GNAL: variants seen among roughly 807,000 people sequenced by gnomAD.
GNAL encodes the protein guanine nucleotide-binding protein G(olf) subunit alpha.
Under a neutral mutation model 55.1 loss-of-function variants are expected in GNAL, and 18 were observed. The observed-to-expected ratio is 0.33, with a 90% CI of 0.23 to 0.48. GNAL has a LOEUF of 0.48. Among genes scored for constraint, GNAL ranks in the 20% least tolerant of loss-of-function variants. The probability of loss-of-function intolerance (pLI) is 0.99; values close to 1 mark genes in which losing one functional copy is unlikely to be tolerated. For synonymous variants in GNAL, 253 were observed against 237.0 expected, an observed-to-expected ratio of 1.07 and a Z score of -0.62; for missense variants, 412 against 614.1, an observed-to-expected ratio of 0.67 and a Z score of 3.48.
In GNAL at chr18:11,868,309, A is replaced by G. The variant is rs891915506; in HGVS notation, c.911-234A>G. On this transcript the variant is annotated intron_variant, in intron 8 of 11. Coordinates refer to ENST00000334049, the MANE Select transcript of GNAL (RefSeq NM_182978.4). The surrounding 1 kb of genome is among the most constrained non-coding windows in gnomAD (Gnocchi z 4.0). ...GAGTGAAACTCCATCTCAAAAAAAA[A>G]AAAGCACTTAAGCATCCCAAATTTA... is the stretch of plus-strand genomic sequence containing the variant. 6.6e-6 allele frequency among the ~76,000 whole-genome samples: 1 copy of G among 152,156 alleles called. No individual in the cohort carries two copies.
intron 5 of GNAL, among the ~76,000 whole-genome samples, chr18:11,826,603 G>A (rs556558654): frequency 6.6e-6 from 1 of 152,192 alleles, no homozygotes; most frequent in African/African-American, 2.4e-5. Flanking sequence ...CTTGGGTTGG[G>A]CTGGGGTAGC....
chr18:11,850,118 C>T (rs561571462), intron 5 of GNAL, among the ~76,000 whole-genome samples: 1 of 152,260 alleles, frequency 6.6e-6, no homozygotes, highest in Admixed American at 6.5e-5. Context: ...GCCACAGGAC[C>T]GGGCGTCAGT....
chr18:11,692,052 CT>C (rs2031266621), intron 1 of GNAL, among the ~76,000 whole-genome samples: 1 of 152,212 alleles, frequency 6.6e-6, no homozygotes, highest in African/African-American at 2.4e-5. Context: ...TACTTGTTGC[CT>C]TTTAAATTTT....
At chr18:11,782,850 T>C (rs2033957567) in intron 4 of GNAL, among the ~76,000 whole-genome samples, 1 of 152,204 alleles carries the variant, frequency 6.6e-6, no homozygotes, top group East Asian at 1.9e-4. Flanking sequence ...TGTACATAGA[T>C]GCTACTGAAA....
rs1488198076 is a variant in GNAL at position 11,752,790 on chromosome 18, A to G, written c.377-63A>G. Reference sequence around the variant, plus strand: ...GGAGGAGGATTGCTCAGACCCGGCTAGTGGTGAGAGATGGCAGCGATATCC... The same window carrying G: ...GGAGGAGGATTGCTCAGACCCGGCTGGTGGTGAGAGATGGCAGCGATATCC... On this transcript the variant is annotated intron_variant, in intron 1 of 11. Coordinates refer to ENST00000334049, the MANE Select transcript of GNAL (RefSeq NM_182978.4). The surrounding 1 kb of genome is among the most constrained non-coding windows in gnomAD (Gnocchi z 4.5). The G allele has an allele frequency of 2.4e-6, 3 of 1,228,680 alleles. No homozygotes were observed. The African/African-American group carries it at 4.4e-5, about 18-fold the overall frequency. The allele number at this position is 1,228,680 out of a possible 1,614,324, so 76.1% of individuals were successfully genotyped here.
intron 11 of GNAL, among the ~76,000 whole-genome samples, chr18:11,879,864 G>A (rs2036621598): frequency 6.6e-6 from 1 of 151,820 alleles, no homozygotes. Context: ...ATAACCAGGG[G>A]ACACCCTGCT....
rs768600593 is a variant in GNAL, at chr18:11,851,588, A to G, written c.723-10807A>G. 7 of 1,613,134 alleles carry G rather than the reference A, an allele frequency of 4.3e-6. No individual in the cohort carries two copies. The East Asian group carries it at 6.7e-5, about 15-fold the overall frequency. On this transcript the variant is annotated intron_variant, in intron 5 of 11. Transcript: ENST00000334049. Reference sequence around the variant, plus strand: ...CTGAGTAGGAGTGCCAAAAAATGCGATAAGGAGGAAAAGGCCGAAAAGGCC... The same window carrying G: ...CTGAGTAGGAGTGCCAAAAAATGCGGTAAGGAGGAAAAGGCCGAAAAGGCC...
At chr18:11,872,883 C>T (rs2036429120) in intron 10 of GNAL, among the ~76,000 whole-genome samples, 1 of 152,228 alleles carries the variant, frequency 6.6e-6, no homozygotes, top group African/African-American at 2.4e-5. Flanking sequence ...CACCCTTTGT[C>T]CCCAAGCCCA....
chr18:11,824,657 C>T (rs1472591102), intron 4 of GNAL, among the ~76,000 whole-genome samples: 2 of 149,812 alleles, frequency 1.3e-5, no homozygotes, highest in African/African-American at 2.5e-5. Context: ...CACTGCACTC[C>T]AGCCTGGGTG....
chr18:11,819,853 C>G (rs1364895487), intron 4 of GNAL, among the ~76,000 whole-genome samples: 1 of 142,864 alleles, frequency 7.0e-6, no homozygotes, highest in Non-Finnish European at 1.5e-5. Flanking sequence ...AAAACTAGAG[C>G]CTGTGAATTA....
chr18:11,753,526 A>AGTCTAG, intron 2 of GNAL, 102 bp from the exon 3 acceptor site: 1 of 747,344 alleles, frequency 1.3e-6, no homozygotes, highest in Non-Finnish European at 2.3e-6. Flanking sequence ...TAGTGAAACC[A>AGTCTAG]GTCTAGGTCA....
chr18:11,811,336 G>A (rs2034810778), intron 4 of GNAL: 1 of 154,394 alleles, frequency 6.5e-6, no homozygotes, highest in South Asian at 2.0e-4. Context: ...CTTTCACCAT[G>A]TCCTCCTGCC....
At chr18:11,875,325 C>G (rs899837851) in intron 10 of GNAL, among the ~76,000 whole-genome samples, 8 of 152,190 alleles carry the variant, frequency 5.3e-5, no homozygotes, top group Non-Finnish European at 1.0e-4. Flanking sequence ...ATTTCTCCCC[C>G]ACCCCAGCCT....
At chr18:11,710,533 G>A (rs932199675) in intron 1 of GNAL, among the ~76,000 whole-genome samples, 4 of 151,764 alleles carry the variant, frequency 2.6e-5, no homozygotes, top group African/African-American at 4.8e-5. Context: ...TGTTTAGTAT[G>A]CTTTCATTTC....
intron 1 of GNAL, among the ~76,000 whole-genome samples, chr18:11,717,948 A>G (rs987448517): frequency 2.0e-5 from 3 of 152,256 alleles, no homozygotes; most frequent in African/African-American, 7.2e-5. Flanking sequence ...ATGTTAAGAA[A>G]AAAAAGAAAT....
At chr18:11,852,282 G>T (rs769691075) in intron 5 of GNAL, 2 of 768,184 alleles carry the variant, frequency 2.6e-6, no homozygotes, top group Admixed American at 3.1e-5. Context: ...CAGTATTTCT[G>T]CACTCTTAGC....
intron 1 of GNAL, among the ~76,000 whole-genome samples, chr18:11,720,408 G>A (rs2032067641): frequency 6.6e-6 from 1 of 152,192 alleles, no homozygotes; most frequent in South Asian, 2.1e-4. Flanking sequence ...AATGTTCAAA[G>A]TAAGTGCTCC....
intron 4 of GNAL, among the ~76,000 whole-genome samples, chr18:11,786,761 A>G (rs1005569799): frequency 6.6e-6 from 1 of 151,446 alleles, no homozygotes; most frequent in Non-Finnish European, 1.5e-5. Context: ...ATCTTCACAC[A>G]TTTTCATTTG....
At chr18:11,800,166 C>G (rs747864190) in intron 4 of GNAL, among the ~76,000 whole-genome samples, 4 of 151,548 alleles carry the variant, frequency 2.6e-5, no homozygotes, top group Non-Finnish European at 5.9e-5. Flanking sequence ...ACATAGTATA[C>G]GTGATAGATA....
Sources: gnomAD v4.1 joint callset for allele counts (sites outside exome capture counted in the v4.1 genomes callset) on GRCh38, gnomAD v4.1.1 for gene constraint, Gnocchi (gnomAD v3.1) non-coding constraint, MANE v1.5 for transcripts, NCBI Gene and HGNC (gene_info 2026-07-23, HGNC 2026-07-21) for gene names.